Variants in MFAP1 observed in about 807,000 individuals in gnomAD.
MFAP1 encodes the protein microfibrillar-associated protein 1.
MFAP1 carries 18 observed loss-of-function variants against 62.2 expected under a neutral mutation model. The ratio of observed to expected loss-of-function variants is 0.29; its 90% CI spans 0.20 to 0.43. The LOEUF is 0.43. MFAP1 is among the 20% of genes least tolerant of loss of function. The probability of loss-of-function intolerance (pLI) is 1.00; values close to 1 mark genes in which losing one functional copy is unlikely to be tolerated. For missense variants in MFAP1, 355 were observed against 559.7 expected, an observed-to-expected ratio of 0.63 and a Z score of 3.69; for synonymous variants, 175 against 180.4, an observed-to-expected ratio of 0.97 and a Z score of 0.24.
At chr15:43,809,385 A>G (rs2087384256) in intron 7 of MFAP1, among the ~76,000 whole-genome samples, 1 of 151,426 alleles carries the variant, frequency 6.6e-6, no homozygotes, top group Admixed American at 6.6e-5. Flanking sequence ...CTGTAGTCCC[A>G]GCTACTCTGG....
chr15:43,809,651 G>C, intron 7 of MFAP1, 104 bp downstream of exon 7: 1 of 1,382,958 alleles, frequency 7.2e-7, no homozygotes, highest in South Asian at 1.4e-5. Context: ...CTGACCACTG[G>C]CAAGTGGAAA....
chr15:43,818,445 C>T (rs1160085749), intron 1 of MFAP1, among the ~76,000 whole-genome samples: 1 of 135,020 alleles, frequency 7.4e-6, no homozygotes, highest in African/African-American at 2.9e-5. Flanking sequence ...CTTACAAACA[C>T]AAATACAAAA....
intron 2 of MFAP1, among the ~76,000 whole-genome samples, chr15:43,816,714 C>A (rs1387585957): frequency 2.0e-5 from 3 of 152,170 alleles, no homozygotes; most frequent in Non-Finnish European, 4.4e-5. Flanking sequence ...GACTCCTGGC[C>A]TACTCTATAA....
At position 43,823,369 on chromosome 15, in the gene MFAP1, T is replaced by C. The variant is rs116300135; in HGVS notation, c.79+1122A>G. Among the ~76,000 whole-genome samples, 740 of 151,914 alleles carry C rather than the reference T, an allele frequency of 4.9e-3. 7 individuals carry two copies. The highest frequency in any genetic ancestry group is 0.017 in the African/African-American group (712 of 41,434). On this transcript the variant is annotated intron_variant, in intron 1 of 8. Coordinates refer to ENST00000267812, the MANE Select transcript of MFAP1 (RefSeq NM_005926.3). ...GCTAGTATTGGCTAGAGAATGACAA[T>C]TGCAGAACTTTCTTTTTTTTTTTTT...
chr15:43,818,217 C>T (rs527799768), intron 1 of MFAP1, among the ~76,000 whole-genome samples: 2 of 152,010 alleles, frequency 1.3e-5, no homozygotes, highest in African/African-American at 4.8e-5. Flanking sequence ...GATGGGGTTT[C>T]ACCGTATTAG....
Position 43,804,984 on chromosome 15 carries a change from AG to A in MFAP1, c.*109del. On this transcript the variant is annotated 3_prime_UTR_variant, in exon 9 of 9. Coordinates refer to ENST00000267812, the MANE Select transcript of MFAP1 (RefSeq NM_005926.3). ...ACCCAGTATCACAAGTATAGCAGTA[AG>A]TCCAATATCTGGATACAGGGGCCAA... 1 of 1,198,114 alleles carries A rather than the reference AG, an allele frequency of 8.3e-7. No homozygotes were observed. The highest frequency in any genetic ancestry group is 1.2e-6 in the Non-Finnish European group (1 of 853,730). The allele number at this position is 1,198,114 out of a possible 1,614,324, so 74.2% of individuals were successfully genotyped here.
intron 7 of MFAP1, among the ~76,000 whole-genome samples, chr15:43,808,483 T>C (rs1046895261): frequency 6.6e-6 from 1 of 152,242 alleles, no homozygotes; most frequent in African/African-American, 2.4e-5. Context: ...CATTAGCCAA[T>C]GTACCTGGCC....
chr15:43,821,873 A>T (rs1451013405), intron 1 of MFAP1, among the ~76,000 whole-genome samples: 1 of 152,116 alleles, frequency 6.6e-6, no homozygotes, highest in Non-Finnish European at 1.5e-5. Flanking sequence ...TTCTTAAACG[A>T]TATACAAAAA....
chr15:43,806,698 C>T (rs1434815237), intron 7 of MFAP1, among the ~76,000 whole-genome samples: 1 of 151,974 alleles, frequency 6.6e-6, no homozygotes, highest in Non-Finnish European at 1.5e-5. Context: ...CATGGTGAAA[C>T]TCTGTCTCTA....
In MFAP1 at chr15:43,805,614, T is replaced by G. The variant is rs967535443; in HGVS notation, c.1048-149A>C. 5 of 637,636 alleles carry G rather than the reference T, an allele frequency of 7.8e-6. No individual in the cohort carries two copies. The African/African-American group carries it at 1.0e-4, about 13-fold the overall frequency. 39.5% of individuals were successfully genotyped at this position (637,636 alleles called of 1,614,324 possible). On this transcript the variant is annotated intron_variant, in intron 7 of 8. Transcript: ENST00000267812. ...CTTACATCTAGTTGAAGAGATGACA[T>G]TCTTTTTTTTTTTTCTGAGACGGAC... is the stretch of plus-strand genomic sequence containing the variant.
At chr15:43,824,446 G>C (rs1392061892) in intron 1 of MFAP1, 45 bp downstream of exon 1, 1 of 1,602,546 alleles carries the variant, frequency 6.2e-7, no homozygotes, top group Admixed American at 1.7e-5. Flanking sequence ...TGCTGGGGCC[G>C]GAAGGGGTTA....
At chr15:43,807,698 T>C (rs1483839649) in intron 7 of MFAP1, among the ~76,000 whole-genome samples, 4 of 152,120 alleles carry the variant, frequency 2.6e-5, no homozygotes, top group Non-Finnish European at 5.9e-5. Context: ...ACGTCAACCC[T>C]TTCAATCTTC....
chr15:43,818,376 T>C (rs939348100), intron 1 of MFAP1, among the ~76,000 whole-genome samples: 4 of 152,110 alleles, frequency 2.6e-5, no homozygotes, highest in Non-Finnish European at 5.9e-5. Context: ...ACTTATTTTA[T>C]GAGTATAACC....
intron 2 of MFAP1, among the ~76,000 whole-genome samples, chr15:43,816,215 G>T (rs1400895557): frequency 6.6e-6 from 1 of 151,144 alleles, no homozygotes; most frequent in African/African-American, 2.4e-5. Context: ...TCCCCCCTGG[G>T]CACTGTAATT....
intron 6 of MFAP1, among the ~76,000 whole-genome samples, chr15:43,810,571 G>C (rs1421785117): frequency 6.6e-6 from 1 of 151,962 alleles, no homozygotes; most frequent in Non-Finnish European, 1.5e-5. Flanking sequence ...GTTTCACCGT[G>C]TTAGCCAGGA....
chr15:43,815,784 C>G (rs1688211390), intron 2 of MFAP1, among the ~76,000 whole-genome samples: 1 of 151,988 alleles, frequency 6.6e-6, no homozygotes, highest in South Asian at 2.1e-4. Context: ...CAGGCATGCA[C>G]CACCACACCC....
intron 4 of MFAP1, among the ~76,000 whole-genome samples, chr15:43,813,750 T>C (rs1256590219): frequency 4.0e-5 from 6 of 151,706 alleles, no homozygotes; most frequent in Admixed American, 3.3e-4. Flanking sequence ...GACCTCCTGA[T>C]CCACCTACCT....
intron 1 of MFAP1, among the ~76,000 whole-genome samples, chr15:43,821,993 G>A (rs992498013): frequency 2.0e-5 from 3 of 151,932 alleles, no homozygotes; most frequent in African/African-American, 4.8e-5. Context: ...ATGGGGAAAC[G>A]TATACTATAG....
chr15:43,814,905 T>C, intron 3 of MFAP1, 40 bp downstream of exon 3: 3 of 1,609,468 alleles, frequency 1.9e-6, no homozygotes, highest in Non-Finnish European at 2.5e-6. Flanking sequence ...GAACTTTTTC[T>C]TATATCCAGA....
Sources: allele counts gnomAD v4.1 joint callset (sites outside exome capture counted in the v4.1 genomes callset), GRCh38; gene constraint gnomAD v4.1.1; transcripts MANE v1.5; gene names NCBI Gene and HGNC (gene_info 2026-07-23, HGNC 2026-07-21).